CNTNAP2: variants seen among roughly 807,000 people sequenced by gnomAD.
The protein encoded by CNTNAP2 is contactin associated protein 2, also known as contactin-associated protein-like 2.
A neutral mutation model predicts 155.2 loss-of-function variants in CNTNAP2; 98 were observed. The observed-to-expected ratio is 0.63, with a 90% CI of 0.54 to 0.75. The LOEUF (loss-of-function observed/expected upper bound fraction) is 0.75. Among genes scored for constraint, CNTNAP2 ranks in the 30% least tolerant of loss-of-function variants. CNTNAP2 has a pLI of 0.00. For synonymous variants in CNTNAP2, 651 were observed against 631.2 expected (o/e 1.03, Z -0.47); for missense variants, 1,727 against 1,688.1 (o/e 1.02, Z -0.40).
intron 6 of CNTNAP2, among the ~76,000 whole-genome samples, chr7:147,126,491 G>A (rs1801241569): frequency 6.6e-6 from 1 of 152,080 alleles, no homozygotes; most frequent in South Asian, 2.1e-4. Context: ...ATTAATATTT[G>A]AGACGGACTC....
chr7:148,054,898 T>C (rs539260036), intron 15 of CNTNAP2, among the ~76,000 whole-genome samples: 109 of 149,398 alleles, frequency 7.3e-4, no homozygotes, highest in Middle Eastern at 3.4e-3. Flanking sequence ...TTTTTTTTTT[T>C]CTGAGATGGA....
intron 1 of CNTNAP2, among the ~76,000 whole-genome samples, chr7:146,330,262 T>C (rs1422994719): frequency 6.6e-6 from 1 of 152,104 alleles, no homozygotes; most frequent in Non-Finnish European, 1.5e-5. Context: ...CCTCAGGTGA[T>C]CCACCCACCT....
At chr7:146,120,724 C>G (rs1797549237) in intron 1 of CNTNAP2, among the ~76,000 whole-genome samples, 1 of 152,034 alleles carries the variant, frequency 6.6e-6, no homozygotes, top group South Asian at 2.1e-4. Flanking sequence ...TTTACTGTAT[C>G]TTTTCCATGT....
At chr7:147,094,481 A>C (rs1300796138) in intron 4 of CNTNAP2, among the ~76,000 whole-genome samples, 1 of 147,748 alleles carries the variant, frequency 6.8e-6, no homozygotes, top group Non-Finnish European at 1.5e-5. Context: ...GGCTCACTGC[A>C]AGCTCCGCCT....
At chr7:147,827,912 A>G in intron 13 of CNTNAP2, among the ~76,000 whole-genome samples, 1 of 152,224 alleles carries the variant, frequency 6.6e-6, no homozygotes, top group East Asian at 1.9e-4. Context: ...TCTACAAGAA[A>G]GGAGAGAAAC....
chr7:147,836,330 T>A (rs1004211963), intron 13 of CNTNAP2, among the ~76,000 whole-genome samples: 1 of 152,110 alleles, frequency 6.6e-6, no homozygotes, highest in African/African-American at 2.4e-5. Context: ...CAGCCTCGTG[T>A]CCTCCCAGCC....
intron 13 of CNTNAP2, among the ~76,000 whole-genome samples, chr7:147,741,971 C>T (rs1796963291): frequency 6.6e-6 from 1 of 152,160 alleles, no homozygotes; most frequent in African/African-American, 2.4e-5. Context: ...GGGGAGGCCT[C>T]ACAATCATGG....
intron 1 of CNTNAP2, among the ~76,000 whole-genome samples, chr7:146,656,699 A>T (rs994605504): frequency 6.6e-6 from 1 of 152,224 alleles, no homozygotes; most frequent in African/African-American, 2.4e-5. Context: ...TCTTCTGTGA[A>T]TTGATGACTA....
intron 9 of CNTNAP2, among the ~76,000 whole-genome samples, chr7:147,379,023 T>G (rs1344625368): frequency 6.6e-6 from 1 of 151,968 alleles, no homozygotes; most frequent in Non-Finnish European, 1.5e-5. Flanking sequence ...TCTCACGACA[T>G]CTGATGGTTA....
intron 3 of CNTNAP2, among the ~76,000 whole-genome samples, chr7:146,911,416 A>G (rs937557863): frequency 3.9e-5 from 6 of 152,104 alleles, no homozygotes; most frequent in Non-Finnish European, 8.8e-5. Context: ...CAAATGTCCA[A>G]CAATGATAGA....
At chr7:148,183,566 C>T (rs1164903189) in intron 18 of CNTNAP2, among the ~76,000 whole-genome samples, 1 of 144,700 alleles carries the variant, frequency 6.9e-6, no homozygotes, top group Non-Finnish European at 1.5e-5. Flanking sequence ...ACTGCATCCT[C>T]GACCTCCTGG....
intron 12 of CNTNAP2, among the ~76,000 whole-genome samples, chr7:147,614,875 A>G (rs925399861): frequency 6.6e-6 from 1 of 151,856 alleles, no homozygotes; most frequent in Non-Finnish European, 1.5e-5. Flanking sequence ...TTAATGTACT[A>G]TGTTGCATTA....
At chr7:146,792,476 A>G (rs371977056) in intron 2 of CNTNAP2, among the ~76,000 whole-genome samples, 6 of 152,234 alleles carry the variant, frequency 3.9e-5, no homozygotes, top group Non-Finnish European at 5.9e-5. Context: ...TATAGTTCCA[A>G]TGTACAATAA....
intron 3 of CNTNAP2, among the ~76,000 whole-genome samples, chr7:147,017,022 T>A: frequency 6.8e-6 from 1 of 147,978 alleles, no homozygotes. Context: ...ATGTTAGTAA[T>A]TTAAGCTAGT....
At chr7:148,406,601 A>C (rs1799709146) in intron 22 of CNTNAP2, among the ~76,000 whole-genome samples, 1 of 152,232 alleles carries the variant, frequency 6.6e-6, no homozygotes, top group African/African-American at 2.4e-5. Flanking sequence ...CCTGGGTTCT[A>C]ATTTTAACTA....
At chr7:146,893,970 A>G (rs529396942) in intron 3 of CNTNAP2, among the ~76,000 whole-genome samples, 10 of 152,266 alleles carry the variant, frequency 6.6e-5, no homozygotes, top group African/African-American at 2.2e-4. Context: ...ATCCTTTAAG[A>G]CTATGTTCTT....
chr7:148,348,863 T>G (rs1280434300), intron 21 of CNTNAP2, among the ~76,000 whole-genome samples: 1 of 152,222 alleles, frequency 6.6e-6, no homozygotes, highest in Non-Finnish European at 1.5e-5. Flanking sequence ...TGACCTATAT[T>G]AGTAAACAGC....
rs563211599 is a variant in CNTNAP2 at position 147,072,713 on chromosome 7, T to C, written c.550+28659T>C. On this transcript the variant is annotated intron_variant, in intron 4 of 23. Transcript: ENST00000361727. ...GTGTCAGTCTGGTTTTACCTGGTAT[T>C]GGGCAATACCATGCAGGTATGGACT... is the stretch of plus-strand genomic sequence containing the variant. 1.2e-4 allele frequency among the ~76,000 whole-genome samples: 19 copies of C among 152,286 alleles called. 1 individual carries two copies. In the South Asian group the frequency reaches 3.7e-3, roughly 30 times the overall value.
chr7:146,177,247 C>T (rs1373958802), intron 1 of CNTNAP2, among the ~76,000 whole-genome samples: 1 of 152,156 alleles, frequency 6.6e-6, no homozygotes, highest in Non-Finnish European at 1.5e-5. Context: ...TTTTGCTTGA[C>T]TAAGTTCTTT....
Sources: gnomAD v4.1 joint callset for allele counts (sites outside exome capture counted in the v4.1 genomes callset) on GRCh38, gnomAD v4.1.1 for gene constraint, MANE v1.5 for transcripts, NCBI Gene and HGNC (gene_info 2026-07-23, HGNC 2026-07-21) for gene names.